FBP1: variants seen among roughly 807,000 people sequenced by gnomAD.
The protein encoded by FBP1 is fructose-1,6-bisphosphatase 1.
A neutral mutation model predicts 29.9 loss-of-function variants in FBP1; 22 were observed. The ratio of observed to expected loss-of-function variants is 0.74; its 90% CI spans 0.53 to 1.05. The LOEUF (loss-of-function observed/expected upper bound fraction) is 1.05, where lower values mean the gene tolerates loss of function less well. FBP1 is among the 50% of genes least tolerant of loss of function. The pLI is 0.00. For synonymous variants in FBP1, 175 were observed against 178.6 expected (o/e 0.98, Z 0.16); for missense variants, 345 against 448.2 (o/e 0.77, Z 2.08).
chr9:94,620,919 T>G (rs140695769), intron 1 of FBP1, among the ~76,000 whole-genome samples: 1 of 152,242 alleles, frequency 6.6e-6, no homozygotes, highest in African/African-American at 2.4e-5. Context: ...TAATAATAAT[T>G]TTTTTAAAAA....
chr9:94,635,048 C>T (rs1358915904), intron 1 of FBP1, among the ~76,000 whole-genome samples: 1 of 143,316 alleles, frequency 7.0e-6, no homozygotes. Context: ...GAGATTGCAC[C>T]ACTGCACACC....
At chr9:94,613,130 C>A (rs536350141) in intron 3 of FBP1, among the ~76,000 whole-genome samples, 2 of 152,194 alleles carry the variant, frequency 1.3e-5, no homozygotes, top group Admixed American at 1.3e-4. Flanking sequence ...TTCCTCGGAG[C>A]AGAAACCAAA....
intron 1 of FBP1, among the ~76,000 whole-genome samples, chr9:94,635,966 T>C (rs1828185793): frequency 6.6e-6 from 1 of 152,204 alleles, no homozygotes; most frequent in Admixed American, 6.5e-5. Flanking sequence ...TGTCTGCTAT[T>C]ATAGGCATAT....
At chr9:94,633,443 G>A (rs543309937) in intron 1 of FBP1, among the ~76,000 whole-genome samples, 2 of 152,258 alleles carry the variant, frequency 1.3e-5, no homozygotes, top group African/African-American at 4.8e-5. Context: ...AGTGTAAAGT[G>A]TTCACCCTTG....
intron 1 of FBP1, among the ~76,000 whole-genome samples, chr9:94,633,996 G>A (rs1828151811): frequency 6.7e-6 from 1 of 150,170 alleles, no homozygotes; most frequent in African/African-American, 2.4e-5. Context: ...GTGAGCCACC[G>A]CGAAAGCATC....
Position 94,639,162 on chromosome 9 carries a change from C to T in FBP1, c.149G>A (p.Arg50His). Residue 50 changes from arginine (R) to histidine (H), a missense_variant, in exon 1 of 7, where the codon CGC (arginine) becomes CAC (histidine). Arg to His is a conservative substitution (Grantham distance 29). Coordinates refer to ENST00000375326, the MANE Select transcript of FBP1 (RefSeq NM_000507.4). ...TAVKAISSAVRKAGIAHLYGI... is the reference protein window; with the variant it reads ...TAVKAISSAVHKAGIAHLYGI... ...TCACAGGTGCGCGATGCCCGCCTTG[C>T]GCACCGCCGAAGAGATGGCTTTGAC... 1 of 1,603,036 alleles carries T rather than the reference C, an allele frequency of 6.2e-7. No individual in the cohort carries two copies.
intron 6 of FBP1, among the ~76,000 whole-genome samples, chr9:94,605,032 T>C (rs1827676523): frequency 6.6e-6 from 1 of 152,206 alleles, no homozygotes; most frequent in African/African-American, 2.4e-5. Flanking sequence ...GTAGTGGATG[T>C]TGACTCACTA....
At chr9:94,611,060 T>C (rs1827777425) in intron 3 of FBP1, among the ~76,000 whole-genome samples, 1 of 152,082 alleles carries the variant, frequency 6.6e-6, no homozygotes. Flanking sequence ...AGAGGGGGTT[T>C]CACCGTGTTA....
At position 94,603,212 on chromosome 9, in the gene FBP1, G is replaced by A. The variant is rs911113887; in HGVS notation, c.*169C>T. ...TAACACCAGTGGCATTATGGAGACA[G>A]CATTTGGTTAGGGAGTGCCAAGCAT... is the stretch of plus-strand genomic sequence containing the variant. On this transcript the variant is annotated 3_prime_UTR_variant, in exon 7 of 7. Transcript: ENST00000375326. 6.0e-6 allele frequency: 4 copies of A among 667,668 alleles called. No homozygotes were observed. Among genetic ancestry groups the A allele is most frequent in the African/African-American group, 5.4e-5 (3 of 56,066 alleles). 41.4% of individuals were successfully genotyped at this position (667,668 alleles called of 1,614,324 possible). A position where few individuals can be genotyped will look rare whatever the true frequency, so the allele number is the denominator to read the frequency against.
intron 6 of FBP1, among the ~76,000 whole-genome samples, chr9:94,604,298 G>C (rs1377508628): frequency 6.6e-6 from 1 of 152,068 alleles, no homozygotes; most frequent in Non-Finnish European, 1.5e-5. Context: ...GGGGACTTTA[G>C]AGAAAAGTGC....
chr9:94,619,775 G>A (rs1457128116), intron 2 of FBP1, among the ~76,000 whole-genome samples: 1 of 150,768 alleles, frequency 6.6e-6, no homozygotes, highest in Non-Finnish European at 1.5e-5. Context: ...TCAGGAGGCT[G>A]AGGCAGGAGA....
At chr9:94,632,816 C>T (rs1828123611) in intron 1 of FBP1, among the ~76,000 whole-genome samples, 1 of 152,236 alleles carries the variant, frequency 6.6e-6, no homozygotes, top group Non-Finnish European at 1.5e-5. Context: ...GATGTCACAT[C>T]AACAGCCCAA....
At chr9:94,630,358 T>C (rs1159960243) in intron 1 of FBP1, among the ~76,000 whole-genome samples, 1 of 152,216 alleles carries the variant, frequency 6.6e-6, no homozygotes, top group East Asian at 1.9e-4. Flanking sequence ...CAGATTAGCA[T>C]AGCTTCTTGG....
Position 94,603,509 on chromosome 9 carries a change from T to C in FBP1, c.889A>G (p.Thr297Ala), listed in dbSNP as rs758841300. ...YVMEKAGGMA[T>A]TGKEAVLDVI... is the part of the protein sequence containing the mutation. ...TCTAACACGGCCTCCTTCCCAGTGGTGGCCATTCCCCCAGCCTTCTCCATG... is the reference window on the plus strand; with the variant it reads ...TCTAACACGGCCTCCTTCCCAGTGGCGGCCATTCCCCCAGCCTTCTCCATG... Residue 297 changes from threonine to alanine, a missense_variant, in exon 7 of 7, where the codon ACC becomes GCC. Thr to Ala is a moderately conservative substitution (Grantham distance 58). Transcript: ENST00000375326. 7.4e-6 allele frequency: 12 copies of C among 1,614,062 alleles called. No individual in the cohort carries two copies. The South Asian group carries it at 1.3e-4, about 18-fold the overall frequency.
intron 1 of FBP1, 128 bp downstream of exon 1, chr9:94,639,013 G>T: frequency 1.1e-6 from 1 of 935,518 alleles, no homozygotes; most frequent in Non-Finnish European, 1.7e-6. Context: ...AGCGAGAGAG[G>T]CGCTCAGACA....
intron 1 of FBP1, among the ~76,000 whole-genome samples, chr9:94,636,767 C>A (rs1466306167): frequency 1.3e-5 from 2 of 152,040 alleles, no homozygotes; most frequent in Non-Finnish European, 2.9e-5. Context: ...GGGCTCACTG[C>A]AACCTCCGCC....
At chr9:94,631,931 G>C (rs184589683) in intron 1 of FBP1, among the ~76,000 whole-genome samples, 1 of 151,926 alleles carries the variant, frequency 6.6e-6, no homozygotes, top group Non-Finnish European at 1.5e-5. Context: ...TGCATTCACC[G>C]GGGCCTAAAC....
chr9:94,631,152 A>G (rs1053099778), intron 1 of FBP1, among the ~76,000 whole-genome samples: 1 of 152,216 alleles, frequency 6.6e-6, no homozygotes, highest in Non-Finnish European at 1.5e-5. Flanking sequence ...CTGCAGCCCA[A>G]GTAAAGTGGA....
chr9:94,609,022 G>A (rs1208095073), intron 4 of FBP1, among the ~76,000 whole-genome samples: 2 of 152,154 alleles, frequency 1.3e-5, no homozygotes, highest in Non-Finnish European at 2.9e-5. Context: ...CCAACATGGC[G>A]AAACCCCGTC....
Sources: allele counts gnomAD v4.1 joint callset (sites outside exome capture counted in the v4.1 genomes callset), GRCh38; gene constraint gnomAD v4.1.1; transcripts MANE v1.5; gene names NCBI Gene and HGNC (gene_info 2026-07-23, HGNC 2026-07-21).